DDX19A: variants seen among roughly 807,000 people sequenced by gnomAD.
The protein encoded by DDX19A is DEAD-box helicase 19A.
DDX19A carries 12 observed loss-of-function variants against 60.6 expected under a neutral mutation model. The ratio of observed to expected loss-of-function variants is 0.20; its 90% CI spans 0.13 to 0.32. The LOEUF is 0.32. DDX19A is among the 10% of genes least tolerant of loss of function. The pLI, the probability that DDX19A is intolerant of heterozygous loss-of-function variation, is 1.00. For missense variants in DDX19A, 337 were observed against 600.6 expected (o/e 0.56, Z 4.59); for synonymous variants, 206 against 218.2 (o/e 0.94, Z 0.49).
intron 4 of DDX19A, among the ~76,000 whole-genome samples, chr16:70,359,923 A>C (rs1174376285): frequency 6.6e-6 from 1 of 152,190 alleles, no homozygotes; most frequent in East Asian, 1.9e-4. Context: ...TGTAAAGTTT[A>C]GTAGGTTAAT....
chr16:70,350,410 A>C, intron 1 of DDX19A, 147 bp from the exon 2 acceptor site: 1 of 536,988 alleles, frequency 1.9e-6, no homozygotes, highest in Non-Finnish European at 3.3e-6. Flanking sequence ...ACTTTCAGCA[A>C]CTCTACTTTG....
At chr16:70,364,780 G>C in intron 6 of DDX19A, 135 bp downstream of exon 6, 6 of 719,948 alleles carry the variant, frequency 8.3e-6, no homozygotes, top group Non-Finnish European at 1.2e-5. Flanking sequence ...TCCTACACCA[G>C]GCCCTGACCT....
intron 1 of DDX19A, among the ~76,000 whole-genome samples, chr16:70,348,979 G>T (rs1963934760): frequency 6.6e-6 from 1 of 152,024 alleles, no homozygotes. Flanking sequence ...GTTCAGGTTT[G>T]GCTGTTCTGA....
At position 70,371,369 on chromosome 16, in the gene DDX19A, C is replaced by T. The variant is rs747152088; in HGVS notation, c.1184-3C>T. Reference sequence around the variant, plus strand: ...TCTCAGCCTCCAACTCTCCTTCCTGCAGGCATTGATGTTGAACAAGTGTCT... The same window carrying T: ...TCTCAGCCTCCAACTCTCCTTCCTGTAGGCATTGATGTTGAACAAGTGTCT... On this transcript the variant is annotated splice_polypyrimidine_tract_variant and splice_region_variant and intron_variant, in intron 10 of 11. Coordinates refer to ENST00000302243, the MANE Select transcript of DDX19A (RefSeq NM_018332.5). The T allele has an allele frequency of 3.1e-6, 5 of 1,613,548 alleles. No homozygotes were observed. In the African/African-American group the frequency reaches 6.7e-5, roughly 22 times the overall value.
At chr16:70,352,283 CTTTTT>C in intron 2 of DDX19A, among the ~76,000 whole-genome samples, 1 of 135,298 alleles carries the variant, frequency 7.4e-6, no homozygotes, top group Admixed American at 7.6e-5. Context: ...TCATCCATGT[CTTTTT>C]TTTTTTTTTT....
In DDX19A at chr16:70,366,096, C is replaced by G; in HGVS notation, c.616C>G (p.Gln206Glu). The G allele has an allele frequency of 6.2e-7, 1 of 1,614,142 alleles. No individual in the cohort carries two copies. The highest frequency in any genetic ancestry group is 8.5e-7 in the Non-Finnish European group (1 of 1,180,030). Residue 206 changes from glutamine (Q) to glutamate (E), a missense_variant, in exon 8 of 12, where the codon CAG becomes GAG. By Grantham distance (29) the Gln-to-Glu change is conservative. Around this residue, in one of 6 missense-constraint regions of DDX19A, gnomAD observed 62 missense variants for 75.7 expected, o/e 0.82. Coordinates refer to ENST00000302243, the MANE Select transcript of DDX19A (RefSeq NM_018332.5). ...CTGGGTCTCCACAGTGGAAAGAGGC[C>G]AGAAGATCAGTGAGCAGATTGTCAT... Reference protein sequence around the residue: ...AVRGNKLERGQKISEQIVIGT... With the variant: ...AVRGNKLERGEKISEQIVIGT...
At position 70,350,848 on chromosome 16, in the gene DDX19A, ATTATTTAT is replaced by A. The variant is rs200007299; in HGVS notation, c.106+282_106+289del. ...TGTTCATTTGATAATATTTTGGCAA[ATTATTTAT>A]TTATTTATTTATTTATTTATTTATT... On this transcript the variant is annotated intron_variant, in intron 2 of 11. Transcript: ENST00000302243. Among the ~76,000 whole-genome samples the A allele has an allele frequency of 9.3e-3, 1,340 of 144,036 alleles. 14 individuals are homozygous for A. The highest frequency in any genetic ancestry group is 0.028 in the African/African-American group (1,093 of 39,348). 94.5% of individuals were successfully genotyped at this position (144,036 alleles called of 152,430 possible). A position where few individuals can be genotyped will look rare whatever the true frequency, so the allele number is the denominator to read the frequency against.
At chr16:70,365,255 C>T (rs966634429) in intron 7 of DDX19A, 124 bp downstream of exon 7, 2 of 611,996 alleles carry the variant, frequency 3.3e-6, no homozygotes, top group Non-Finnish European at 5.8e-6. Flanking sequence ...AACTGTGTTG[C>T]TCTATTTGAA....
chr16:70,349,249 T>C (rs887359154), intron 1 of DDX19A, among the ~76,000 whole-genome samples: 2 of 152,168 alleles, frequency 1.3e-5, no homozygotes, highest in Non-Finnish European at 2.9e-5. Flanking sequence ...GGTAGCAAAT[T>C]GTAACAGCAC....
intron 1 of DDX19A, 26 bp from the exon 2 acceptor site, chr16:70,350,531 C>T (rs80229424): frequency 0.026 from 41,072 of 1,593,690 alleles, 665 homozygotes; most frequent in Non-Finnish European, 0.031. Flanking sequence ...CTTTGCTTAA[C>T]TCTGTTTTCT....
chr16:70,368,297 C>G (rs1466654141), intron 9 of DDX19A, among the ~76,000 whole-genome samples: 1 of 151,860 alleles, frequency 6.6e-6, no homozygotes, highest in Non-Finnish European at 1.5e-5. Context: ...GAGACCGAGT[C>G]TATCTAGCTC....
At chr16:70,361,761 G>T (rs762063429) in intron 5 of DDX19A, 4 of 340,634 alleles carry the variant, frequency 1.2e-5, no homozygotes, top group Non-Finnish European at 2.2e-5. Context: ...TTAAGGCCGG[G>T]CATGGTGGCT....
rs1964180742 is a variant in DDX19A, at chr16:70,356,234, G to A, written c.280G>A (p.Glu94Lys). Reference protein sequence around the residue: ...NSPLYSVKSFEELRLKPQLLQ... With the variant: ...NSPLYSVKSFKELRLKPQLLQ... ...CCCTCTGTACTCGGTGAAGTCGTTT[G>A]AAGAGCTTCGGCTGTGAGTATTCGC... Residue 94 changes from glutamate (E) to lysine (K), a missense_variant, in exon 4 of 12, where the codon GAA becomes AAA. By Grantham distance (56) the Glu-to-Lys change is moderately conservative (BLOSUM62 1). This residue lies in a region of DDX19A where 127 missense variants were observed against 160.3 expected (regional missense o/e 0.79). Transcript: ENST00000302243. 6.2e-7 allele frequency: 1 copy of A among 1,614,080 alleles called. No homozygotes were observed. The highest frequency in any genetic ancestry group is 8.5e-7 in the Non-Finnish European group (1 of 1,180,048).
intron 5 of DDX19A, among the ~76,000 whole-genome samples, chr16:70,363,013 CAAA>C (rs774331485): frequency 2.4e-5 from 2 of 84,800 alleles, no homozygotes; most frequent in Admixed American, 1.4e-4. Flanking sequence ...GACTCTGTCT[CAAA>C]AAAAAAAAAA....
intron 1 of DDX19A, chr16:70,347,402 T>C: frequency 3.6e-6 from 1 of 279,524 alleles, no homozygotes; most frequent in Non-Finnish European, 6.9e-6. Flanking sequence ...TACTCTGTAT[T>C]TAACATTTCT....
At chr16:70,353,107 A>C (rs1964075359) in intron 2 of DDX19A, among the ~76,000 whole-genome samples, 1 of 150,146 alleles carries the variant, frequency 6.7e-6, no homozygotes. Context: ...AGGTATATGC[A>C]TTTGCGATTT....
At position 70,370,340 on chromosome 16, in the gene DDX19A, G is replaced by A. The variant is rs756060461; in HGVS notation, c.1138G>A (p.Glu380Lys). 15 of 1,613,990 alleles carry A rather than the reference G, an allele frequency of 9.3e-6. No individual in the cohort carries two copies. The highest frequency in any genetic ancestry group is 1.3e-5 in the Non-Finnish European group (15 of 1,179,920). The change falls in exon 10 of 12, where the codon GAG becomes AAG. Residue 380 changes from glutamate to lysine, a missense_variant. This residue lies in a region of DDX19A where 117 missense variants were observed against 274.3 expected (regional missense o/e 0.43). Transcript: ENST00000302243. Reference protein sequence around the residue: ...QRAAVIERFREGKEKVLVTTN... With the variant: ...QRAAVIERFRKGKEKVLVTTN... ...GGCTGCGGTGATTGAGCGCTTCCGA[G>A]AGGGCAAAGAGAAGGTTTTGGTGAC...
intron 9 of DDX19A, among the ~76,000 whole-genome samples, chr16:70,367,822 A>C (rs1964563435): frequency 6.6e-6 from 1 of 151,562 alleles, no homozygotes; most frequent in South Asian, 2.1e-4. Context: ...GATTGCAGTG[A>C]GCTGAGATCG....
intron 4 of DDX19A, among the ~76,000 whole-genome samples, chr16:70,359,725 G>T (rs1179248909): frequency 6.6e-6 from 1 of 151,918 alleles, no homozygotes. Flanking sequence ...GGGTGTGGTG[G>T]CATGTGCCTG....
Sources: allele counts gnomAD v4.1 joint callset (sites outside exome capture counted in the v4.1 genomes callset), GRCh38; gene constraint gnomAD v4.1.1; regional missense constraint gnomAD v4.1.1; transcripts MANE v1.5; gene names NCBI Gene and HGNC (gene_info 2026-07-23, HGNC 2026-07-21).